Variants in IARS2 observed in about 807,000 individuals in gnomAD.
IARS2 encodes isoleucyl-tRNA synthetase 2, mitochondrial.
IARS2 carries 56 observed loss-of-function variants against 126.3 expected under a neutral mutation model. That is an observed-to-expected ratio of 0.44 (90% CI 0.36 to 0.55). IARS2 has a LOEUF of 0.55. Among genes scored for constraint, IARS2 ranks in the 20% least tolerant of loss-of-function variants. The pLI is 0.00. For missense variants in IARS2, 1,127 were observed against 1,245.9 expected, an observed-to-expected ratio of 0.90 and a Z score of 1.44; for synonymous variants, 407 against 441.1, an observed-to-expected ratio of 0.92 and a Z score of 0.97.
In IARS2 at chr1:220,126,355, G is replaced by T. The variant is rs188924473; in HGVS notation, c.1744-395G>T. Among the ~76,000 whole-genome samples the T allele has an allele frequency of 1.5e-3, 225 of 152,224 alleles. 2 individuals are homozygous for T. Among genetic ancestry groups the T allele is most frequent in the African/African-American group, 5.3e-3 (221 of 41,534 alleles). ...TCAATTGTTATCTCATTGAGGGCCA[G>T]GATTGATTGATGTTGACTGATTTGG... On this transcript the variant is annotated intron_variant, in intron 13 of 22. Coordinates refer to ENST00000366922, the MANE Select transcript of IARS2 (RefSeq NM_018060.4).
intron 10 of IARS2, 60 bp from the exon 11 acceptor site, chr1:220,110,726 T>A: frequency 7.6e-7 from 1 of 1,319,860 alleles, no homozygotes; most frequent in Non-Finnish European, 1.1e-6. Flanking sequence ...GTTTAGAGCA[T>A]TTTTAGGATT....
chr1:220,133,156 G>T (rs142992641), intron 14 of IARS2, among the ~76,000 whole-genome samples: 104 of 151,814 alleles, frequency 6.9e-4, no homozygotes, highest in Middle Eastern at 6.8e-3. Context: ...GATTACAGGC[G>T]CCCACCACCG....
At chr1:220,108,410 G>A (rs1307669670) in intron 10 of IARS2, among the ~76,000 whole-genome samples, 2 of 143,750 alleles carry the variant, frequency 1.4e-5, no homozygotes, top group Admixed American at 7.0e-5. Flanking sequence ...TTTTTAAGAC[G>A]GAGTCTCGCT....
intron 2 of IARS2, among the ~76,000 whole-genome samples, chr1:220,096,440 T>C (rs1216795553): frequency 6.6e-6 from 1 of 152,224 alleles, no homozygotes; most frequent in Non-Finnish European, 1.5e-5. Context: ...AACATCATCT[T>C]ATTCAGTGCA....
rs145702599 is a variant in IARS2, at chr1:220,109,611, A to G, written c.1328-1175A>G. On this transcript the variant is annotated intron_variant, in intron 10 of 22. Coordinates refer to ENST00000366922, the MANE Select transcript of IARS2 (RefSeq NM_018060.4). ...TTAGAGACAGCAGCTTCAAACCCAG[A>G]AAAGGGTAATGAGATGAGTTTCACA... is the stretch of plus-strand genomic sequence containing the variant. 5.8e-4 allele frequency among the ~76,000 whole-genome samples: 89 copies of G among 152,348 alleles called. No homozygotes were observed. In the East Asian group the frequency reaches 0.017, roughly 28 times the overall value.
At chr1:220,125,147 G>A in intron 12 of IARS2, 90 bp from the exon 13 acceptor site, 2 of 711,890 alleles carry the variant, frequency 2.8e-6, no homozygotes, top group South Asian at 3.0e-5. Context: ...GAGGAAAAAG[G>A]AAAATAAATC....
intron 13 of IARS2, among the ~76,000 whole-genome samples, 190 bp downstream of exon 13, chr1:220,125,529 C>T (rs906361133): frequency 2.6e-5 from 4 of 152,144 alleles, no homozygotes; most frequent in Admixed American, 6.5e-5. Context: ...TAAGGCTGGG[C>T]GTGATGGCTC....
intron 15 of IARS2, among the ~76,000 whole-genome samples, chr1:220,136,001 G>T (rs1227195811): frequency 6.6e-6 from 1 of 151,920 alleles, no homozygotes; most frequent in Non-Finnish European, 1.5e-5. Flanking sequence ...TTCTAACCTG[G>T]TTAGTTTTAA....
chr1:220,130,311 C>T (rs1347493358), intron 14 of IARS2, among the ~76,000 whole-genome samples: 1 of 152,132 alleles, frequency 6.6e-6, no homozygotes, highest in African/African-American at 2.4e-5. Flanking sequence ...TTCTTCCATT[C>T]CACAGGTTGT....
rs1335776046 is a variant in IARS2 at position 220,144,271 on chromosome 1, AT to A, written c.2751+1138del. ...GATGATGACTTTGGAGCACGGCCTA[AT>A]AAGCACCTGGCTTTTGCCTCTCTTT... On this transcript the variant is annotated intron_variant, in intron 21 of 22. Coordinates refer to ENST00000366922, the MANE Select transcript of IARS2 (RefSeq NM_018060.4). 5.2e-6 allele frequency: 4 copies of A among 764,052 alleles called. No individual in the cohort carries two copies. The African/African-American group carries it at 6.8e-5, about 13-fold the overall frequency. 47.3% of individuals were successfully genotyped at this position (764,052 alleles called of 1,614,324 possible). A position where few individuals can be genotyped will look rare whatever the true frequency, so the allele number is the denominator to read the frequency against.
chr1:220,144,373 G>C (rs763137673), intron 21 of IARS2: 73 of 629,238 alleles, frequency 1.2e-4, no homozygotes, highest in Non-Finnish European at 1.7e-4. Context: ...GAAAGACGGT[G>C]GAAGAGCTAT....
chr1:220,125,399 G>A, intron 13 of IARS2, 60 bp downstream of exon 13: 1 of 1,042,560 alleles, frequency 9.6e-7, no homozygotes, highest in Non-Finnish European at 1.5e-6. Context: ...ATGACAACAT[G>A]AGAAATTCTT....
At position 220,126,779 on chromosome 1, in the gene IARS2, G is replaced by T; in HGVS notation, c.1773G>T (p.Val591=). The T allele has an allele frequency of 6.2e-7, 1 of 1,613,256 alleles. No homozygotes were observed. The highest frequency in any genetic ancestry group is 8.5e-7 in the Non-Finnish European group (1 of 1,179,814). ...EVGGPDALEY[V]PGQDILDIWF... ...GTGGCCCTGATGCCTTGGAATATGT[G>T]CCAGGTCAGGATATTTTGGACATCT... Residue 591 remains valine (V), a synonymous_variant, in exon 14 of 23, where the codon GTG becomes GTT. Coordinates refer to ENST00000366922, the MANE Select transcript of IARS2 (RefSeq NM_018060.4).
At chr1:220,126,691 A>G (rs1657162258) in intron 13 of IARS2, 59 bp from the exon 14 acceptor site, 3 of 1,224,880 alleles carry the variant, frequency 2.4e-6, no homozygotes, top group Non-Finnish European at 3.6e-6. Flanking sequence ...GGGGTACAGT[A>G]TTTGTTGTCT....
At chr1:220,108,524 T>C (rs1656728797) in intron 10 of IARS2, among the ~76,000 whole-genome samples, 1 of 152,006 alleles carries the variant, frequency 6.6e-6, no homozygotes, top group Non-Finnish European at 1.5e-5. Context: ...TAGCTGGGAC[T>C]ACAGGCGCCT....
chr1:220,141,184 C>G (rs1657485583), intron 19 of IARS2, among the ~76,000 whole-genome samples: 1 of 152,066 alleles, frequency 6.6e-6, no homozygotes, highest in Admixed American at 6.5e-5. Context: ...ATAAAGTGTT[C>G]AAAAAATCAT....
At chr1:220,106,905 T>TA (rs1207477289) in intron 9 of IARS2, among the ~76,000 whole-genome samples, 156 bp from the exon 10 acceptor site, 4 of 152,204 alleles carry the variant, frequency 2.6e-5, no homozygotes. Flanking sequence ...GTGCTGGGAT[T>TA]ATAGGCCTGA....
At chr1:220,138,890 G>A (rs1049368806) in intron 17 of IARS2, 118 bp from the exon 18 acceptor site, 7 of 899,508 alleles carry the variant, frequency 7.8e-6, no homozygotes, top group Non-Finnish European at 1.2e-5. Context: ...TATTTGGAAT[G>A]ATAATAAAAA....
chr1:220,106,044 A>G lies in IARS2; in HGVS notation c.1220A>G (p.Gln407Arg). Residue 407 changes from glutamine (Q) to arginine (R), a missense_variant, in exon 9 of 23, where the codon CAG (glutamine) becomes CGG (arginine). Coordinates refer to ENST00000366922, the MANE Select transcript of IARS2 (RefSeq NM_018060.4). ...ATGGAAGACTACGGTGTAGCGTCTCAGCACAACCTGCCCATGGTACTGTTC... is the reference window on the plus strand; with the variant it reads ...ATGGAAGACTACGGTGTAGCGTCTCGGCACAACCTGCCCATGGTACTGTTC... ...HGMEDYGVAS[Q>R]HNLPMDCLVD... 1 of 1,613,522 alleles carries G rather than the reference A, an allele frequency of 6.2e-7. No homozygotes were observed. Among genetic ancestry groups the G allele is most frequent in the Non-Finnish European group, 8.5e-7 (1 of 1,179,554 alleles).
Sources: allele counts gnomAD v4.1 joint callset (sites outside exome capture counted in the v4.1 genomes callset), GRCh38; gene constraint gnomAD v4.1.1; transcripts MANE v1.5; gene names NCBI Gene and HGNC (gene_info 2026-07-23, HGNC 2026-07-21).